ZFAND4: variants seen among roughly 807,000 people sequenced by gnomAD.
ZFAND4 encodes the protein zinc finger AN1-type containing 4.
ZFAND4 carries 43 observed loss-of-function variants against 64.4 expected under a neutral mutation model. That is an observed-to-expected ratio of 0.67 (90% CI 0.52 to 0.86). The LOEUF is 0.86. Among genes scored for constraint, ZFAND4 ranks in the 40% least tolerant of loss-of-function variants. The pLI is 0.00. For missense variants in ZFAND4, 929 were observed against 859.8 expected, an observed-to-expected ratio of 1.08 and a Z score of -1.01; for synonymous variants, 296 against 305.7, an observed-to-expected ratio of 0.97 and a Z score of 0.33.
At chr10:45,647,001 T>C (rs1242689818) in intron 5 of ZFAND4, among the ~76,000 whole-genome samples, 1 of 152,174 alleles carries the variant, frequency 6.6e-6, no homozygotes, top group East Asian at 1.9e-4. Flanking sequence ...TGTAACACTC[T>C]GTGGAGGGGC....
At chr10:45,624,694 C>G in intron 7 of ZFAND4, 57 bp from the exon 8 acceptor site, 1 of 1,390,420 alleles carries the variant, frequency 7.2e-7, no homozygotes, top group Non-Finnish European at 1.0e-6. Context: ...TAGAAATGAT[C>G]AACAAACATG....
At chr10:45,659,322 T>C (rs572382718) in intron 2 of ZFAND4, among the ~76,000 whole-genome samples, 1 of 152,274 alleles carries the variant, frequency 6.6e-6, no homozygotes, top group East Asian at 1.9e-4. Flanking sequence ...GGCTCCAGTA[T>C]AACAACAGTG....
At chr10:45,622,202 A>G (rs773881039) in intron 8 of ZFAND4, among the ~76,000 whole-genome samples, 1 of 152,268 alleles carries the variant, frequency 6.6e-6, no homozygotes, top group Admixed American at 6.5e-5. Context: ...CCTCGTATAC[A>G]TGATCAAATG....
chr10:45,665,308 G>A (rs920060017), intron 1 of ZFAND4, among the ~76,000 whole-genome samples: 1 of 152,114 alleles, frequency 6.6e-6, no homozygotes, highest in Non-Finnish European at 1.5e-5. Flanking sequence ...GGGAGGCCGA[G>A]GTGGGCGGAT....
At chr10:45,618,026 G>T in intron 9 of ZFAND4, 114 bp downstream of exon 9, 1 of 1,091,450 alleles carries the variant, frequency 9.2e-7, no homozygotes, top group Non-Finnish European at 1.3e-6. Flanking sequence ...GATAGCTATT[G>T]AACATCATCT....
intron 5 of ZFAND4, among the ~76,000 whole-genome samples, chr10:45,646,044 G>T (rs750752480): frequency 6.6e-6 from 1 of 152,078 alleles, no homozygotes; most frequent in Non-Finnish European, 1.5e-5. Flanking sequence ...TCTAACAAGT[G>T]AACTTTTGCA....
chr10:45,653,080 A>C (rs1014239873), intron 2 of ZFAND4, 21 bp from the exon 3 acceptor site: 3 of 1,564,956 alleles, frequency 1.9e-6, no homozygotes, highest in African/African-American at 2.7e-5. Flanking sequence ...AGTTATTAAA[A>C]AAAAGTGTTA....
At chr10:45,636,186 A>T (rs942698284) in intron 6 of ZFAND4, among the ~76,000 whole-genome samples, 1 of 152,132 alleles carries the variant, frequency 6.6e-6, no homozygotes, top group African/African-American at 2.4e-5. Flanking sequence ...TCAGTGAAAA[A>T]ATACTTACTT....
intron 2 of ZFAND4, among the ~76,000 whole-genome samples, chr10:45,658,585 T>C (rs188335284): frequency 1.2e-4 from 19 of 152,328 alleles, no homozygotes; most frequent in African/African-American, 3.4e-4. Context: ...CTCAGTATTA[T>C]TAGTTAGCAA....
chr10:45,640,835 G>T (rs1046382727), intron 5 of ZFAND4, among the ~76,000 whole-genome samples: 1 of 152,098 alleles, frequency 6.6e-6, no homozygotes, highest in Non-Finnish European at 1.5e-5. Context: ...TTCTAAGTGT[G>T]TTTGAAAATG....
intron 6 of ZFAND4, among the ~76,000 whole-genome samples, chr10:45,628,893 C>CA (rs2046017978): frequency 1.1e-5 from 1 of 91,206 alleles, no homozygotes. Flanking sequence ...TATGGAGCTT[C>CA]ACCAAAAAAA....
chr10:45,656,894 C>G (rs2048160020), intron 2 of ZFAND4, among the ~76,000 whole-genome samples: 1 of 152,070 alleles, frequency 6.6e-6, no homozygotes, highest in Admixed American at 6.6e-5. Context: ...AAAGAGTGCC[C>G]TCACCAGACC....
chr10:45,636,884 T>C (rs1170681106), intron 6 of ZFAND4, among the ~76,000 whole-genome samples: 1 of 152,126 alleles, frequency 6.6e-6, no homozygotes, highest in Non-Finnish European at 1.5e-5. Context: ...AGTATTTGTT[T>C]ATTTCTTTGT....
chr10:45,656,565 A>C (rs923710103), intron 2 of ZFAND4, among the ~76,000 whole-genome samples: 1 of 151,704 alleles, frequency 6.6e-6, no homozygotes, highest in Non-Finnish European at 1.5e-5. Context: ...CAAAAACTGT[A>C]ATGGAAAACT....
In ZFAND4 at chr10:45,616,212, A is replaced by T. The variant is rs147909117; in HGVS notation, c.*224T>A. 1 of 534,138 alleles carries T rather than the reference A, an allele frequency of 1.9e-6. No homozygotes were observed. Among genetic ancestry groups the T allele is most frequent in the African/African-American group, 1.9e-5 (1 of 51,382 alleles). The allele number at this position is 534,138 out of a possible 1,614,324, so 33.1% of individuals were successfully genotyped here. A position where few individuals can be genotyped will look rare whatever the true frequency, so the allele number is the denominator to read the frequency against. On this transcript the variant is annotated 3_prime_UTR_variant, in exon 10 of 10. Transcript: ENST00000344646. Reference sequence around the variant, plus strand: ...CACAAGACATGCAATAACAAAGCTAAATCATTCCAGTGTAAAGTTGTTAAA... The same window carrying T: ...CACAAGACATGCAATAACAAAGCTATATCATTCCAGTGTAAAGTTGTTAAA...
chr10:45,616,779 T>G (rs2044992009), intron 9 of ZFAND4, among the ~76,000 whole-genome samples: 2 of 152,152 alleles, frequency 1.3e-5, no homozygotes, highest in South Asian at 4.1e-4. Context: ...TGACAATTTA[T>G]GATAAAGAAG....
intron 9 of ZFAND4, chr10:45,617,855 A>C (rs1419515686): frequency 4.2e-5 from 7 of 167,140 alleles, no homozygotes; most frequent in Middle Eastern, 2.9e-3. Flanking sequence ...GTGCCACTCA[A>C]ACAAAATCCA....
intron 6 of ZFAND4, among the ~76,000 whole-genome samples, chr10:45,634,811 T>C (rs1439313701): frequency 6.6e-6 from 1 of 152,038 alleles, no homozygotes; most frequent in Non-Finnish European, 1.5e-5. Context: ...TCAGTAAAGT[T>C]GCGGGATACA....
At chr10:45,671,683 G>A (rs2049203380) in intron 1 of ZFAND4, among the ~76,000 whole-genome samples, 1 of 152,118 alleles carries the variant, frequency 6.6e-6, no homozygotes, top group Non-Finnish European at 1.5e-5. Context: ...GGCCTGTCGT[G>A]GGGAGTGAGA....
Sources: gnomAD v4.1 joint callset for allele counts (sites outside exome capture counted in the v4.1 genomes callset) on GRCh38, gnomAD v4.1.1 for gene constraint, MANE v1.5 for transcripts, NCBI Gene and HGNC (gene_info 2026-07-23, HGNC 2026-07-21) for gene names.